FBXO34: variants seen among roughly 807,000 people sequenced by gnomAD.
FBXO34 encodes the protein F-box protein 34.
A neutral mutation model predicts 24.5 loss-of-function variants in FBXO34; 12 were observed. The observed-to-expected ratio is 0.49, with a 90% CI of 0.31 to 0.79. The LOEUF (loss-of-function observed/expected upper bound fraction) is 0.79, where lower values mean the gene tolerates loss of function less well. FBXO34 is among the 30% of genes least tolerant of loss of function. FBXO34 has a pLI of 0.04. For missense variants in FBXO34, 823 were observed against 857.7 expected (o/e 0.96, Z 0.51); for synonymous variants, 320 against 311.9 (o/e 1.03, Z -0.27).
At chr14:55,401,465 C>CTTT in the FBXO34 span, among the ~76,000 whole-genome samples, 1 of 152,112 alleles carries the variant, frequency 6.6e-6, no homozygotes, top group African/African-American at 2.4e-5. Context: ...TGCCAGTGAA[C>CTTT]CTGTTCCATG....
intron 1 of FBXO34, among the ~76,000 whole-genome samples, chr14:55,272,891 T>G (rs1881204445): frequency 6.6e-6 from 1 of 152,204 alleles, no homozygotes; most frequent in African/African-American, 2.4e-5. Flanking sequence ...CTTTTAAATA[T>G]GAAATTAGAG....
chr14:55,296,152 A>C (rs958492384), intron 1 of FBXO34, among the ~76,000 whole-genome samples: 1 of 152,110 alleles, frequency 6.6e-6, no homozygotes, highest in African/African-American at 2.4e-5. Context: ...AAATAAAGTA[A>C]ATATATTTTA....
downstream of FBXO34, chr14:55,369,815 T>G: frequency 6.2e-7 from 1 of 1,614,174 alleles, no homozygotes; most frequent in Non-Finnish European, 8.5e-7. Flanking sequence ...CAGGTCGGTT[T>G]CTTCATCGCT....
chr14:55,369,334 C>A, downstream of FBXO34: 1 of 245,992 alleles, frequency 4.1e-6, no homozygotes, highest in Non-Finnish European at 7.7e-6. Flanking sequence ...CAACTGCTTC[C>A]TTGGCAGAAC....
chr14:55,323,015 T>TATAAAAA (rs1566555504), intron 1 of FBXO34, among the ~76,000 whole-genome samples: 1 of 38,634 alleles, frequency 2.6e-5, no homozygotes, highest in Non-Finnish European at 5.3e-5. Flanking sequence ...CTACTAAAAA[T>TATAAAAA]ACAAAAAAAA....
chr14:55,397,270 CAGTA>C, the FBXO34 span: 2 of 1,008,566 alleles, frequency 2.0e-6, no homozygotes, highest in Non-Finnish European at 3.1e-6. Context: ...ATCCTAAATT[CAGTA>C]AGTTAGCAAT....
At chr14:55,416,723 T>C in the FBXO34 span, among the ~76,000 whole-genome samples, 5 of 152,168 alleles carry the variant, frequency 3.3e-5, no homozygotes, top group African/African-American at 4.8e-5. Context: ...TTGATGGACT[T>C]TTTGGGCTTC....
At chr14:55,298,909 C>G in intron 1 of FBXO34, 1 of 1,583,472 alleles carries the variant, frequency 6.3e-7, no homozygotes, top group Non-Finnish European at 8.7e-7. Flanking sequence ...AATGCCAACA[C>G]CAATACCGAG....
the FBXO34 span, among the ~76,000 whole-genome samples, chr14:55,380,875 A>ATATATATATTTTTTTTTTTTT: frequency 1.8e-5 from 2 of 112,702 alleles, no homozygotes; most frequent in Non-Finnish European, 1.7e-5. Flanking sequence ...ATATATATAT[A>ATATATATATTTTTTTTTTTTT]TTTTTTTTTT....
At chr14:55,322,135 C>T (rs1258771894) in intron 1 of FBXO34, among the ~76,000 whole-genome samples, 2 of 151,848 alleles carry the variant, frequency 1.3e-5, no homozygotes, top group Non-Finnish European at 2.9e-5. Context: ...ACGGTGAAAC[C>T]TCGTCTCTAC....
intron 1 of FBXO34, among the ~76,000 whole-genome samples, chr14:55,313,783 A>G (rs1320605994): frequency 6.6e-6 from 1 of 151,974 alleles, no homozygotes; most frequent in East Asian, 1.9e-4. Flanking sequence ...GGGGGAAACC[A>G]CCCCCACCAT....
intron 1 of FBXO34, among the ~76,000 whole-genome samples, chr14:55,345,044 C>T (rs1884115131): frequency 6.6e-6 from 1 of 152,128 alleles, no homozygotes; most frequent in African/African-American, 2.4e-5. Flanking sequence ...CTCCTGTAAT[C>T]CCAATACTTT....
At chr14:55,271,952 T>C (rs1370373185) in intron 1 of FBXO34, 1 of 152,258 alleles carries the variant, frequency 6.6e-6, no homozygotes, top group Non-Finnish European at 1.5e-5. Flanking sequence ...CCTCCCGGGC[T>C]CGGCCACTCT....
At chr14:55,321,484 C>T (rs1883133706) in intron 1 of FBXO34, among the ~76,000 whole-genome samples, 1 of 152,010 alleles carries the variant, frequency 6.6e-6, no homozygotes, top group Non-Finnish European at 1.5e-5. Flanking sequence ...GCAACCTCTA[C>T]CTCCTGGGTT....
the FBXO34 span, among the ~76,000 whole-genome samples, chr14:55,424,601 G>C: frequency 1.3e-5 from 2 of 152,140 alleles, no homozygotes; most frequent in Non-Finnish European, 2.9e-5. Context: ...ACATAATCAT[G>C]TTTTTCTGGG....
At chr14:55,360,506 G>A (rs1455808673) in intron 3 of FBXO34, among the ~76,000 whole-genome samples, 2 of 152,162 alleles carry the variant, frequency 1.3e-5, no homozygotes, top group African/African-American at 4.8e-5. Context: ...CACCACATCT[G>A]TAGCTACTTC....
chr14:55,360,621 T>A (rs1311752723), intron 3 of FBXO34, among the ~76,000 whole-genome samples: 1 of 152,170 alleles, frequency 6.6e-6, no homozygotes, highest in African/African-American at 2.4e-5. Flanking sequence ...CTTTTCTGTT[T>A]TACACGCGAT....
exon 3 of FBXO34, chr14:55,367,253 A>T (rs143268417): frequency 6.0e-4 from 92 of 152,328 alleles, no homozygotes; most frequent in African/African-American, 2.2e-3. Flanking sequence ...TCCCACTCTT[A>T]CAACTCGTGA....
At chr14:55,323,372 C>G (rs1883231530) in intron 1 of FBXO34, among the ~76,000 whole-genome samples, 1 of 140,240 alleles carries the variant, frequency 7.1e-6, no homozygotes, top group African/African-American at 2.7e-5. Flanking sequence ...ACCTGGCCCC[C>G]CTTTAAATTT....
Sources: allele counts gnomAD v4.1 joint callset (sites outside exome capture counted in the v4.1 genomes callset), GRCh38; gene constraint gnomAD v4.1.1; transcripts MANE v1.5; gene names NCBI Gene and HGNC (gene_info 2026-07-23, HGNC 2026-07-21).